Variants in PCDH15 observed in about 807,000 individuals in gnomAD.
The protein encoded by PCDH15 is protocadherin related 15, also known as protocadherin-15.
PCDH15 carries 129 observed loss-of-function variants against 178.5 expected under a neutral mutation model. The observed-to-expected ratio is 0.72, with a 90% CI of 0.63 to 0.84. PCDH15 has a LOEUF of 0.84. PCDH15 is among the 40% of genes least tolerant of loss of function. The pLI, the probability that PCDH15 is intolerant of heterozygous loss-of-function variation, is 0.00. For missense variants in PCDH15, 2,230 were observed against 2,099.9 expected, an observed-to-expected ratio of 1.06 and a Z score of -1.21; for synonymous variants, 800 against 732.0, an observed-to-expected ratio of 1.09 and a Z score of -1.50.
chr10:54,096,859 A>G (rs2094709315), intron 15 of PCDH15, among the ~76,000 whole-genome samples: 1 of 152,236 alleles, frequency 6.6e-6, no homozygotes, highest in Non-Finnish European at 1.5e-5. Flanking sequence ...TTTCAAATAC[A>G]GTATGGCCAA....
chr10:55,455,717 G>C (rs1322338896), intron 2 of PCDH15, among the ~76,000 whole-genome samples: 1 of 151,664 alleles, frequency 6.6e-6, no homozygotes, highest in Non-Finnish European at 1.5e-5. Flanking sequence ...AGGACAATTT[G>C]CCTGTATAAA....
At position 54,534,105 on chromosome 10, in the gene PCDH15, G is replaced by C. The variant is rs533537353; in HGVS notation, c.92-6228C>G. Among the ~76,000 whole-genome samples the C allele has an allele frequency of 1.3e-3, 201 of 152,088 alleles. 1 individual carries two copies. Among genetic ancestry groups the C allele is most frequent in the African/African-American group, 4.5e-3 (187 of 41,494 alleles). ...AGAAGAGTGTCTGGCAAAATGTATAGACAGACTAGGCCTACATTTGCTTTT... is the reference window on the plus strand; with the variant it reads ...AGAAGAGTGTCTGGCAAAATGTATACACAGACTAGGCCTACATTTGCTTTT... On this transcript the variant is annotated intron_variant, in intron 2 of 37. Coordinates refer to ENST00000644397, the MANE Select transcript of PCDH15 (RefSeq NM_001384140.1).
chr10:55,297,385 C>T (rs1457230462), intron 1 of PCDH15, among the ~76,000 whole-genome samples: 1 of 152,026 alleles, frequency 6.6e-6, no homozygotes, highest in Admixed American at 6.6e-5. Flanking sequence ...TTAAATCAGT[C>T]TTAATTGAAT....
At position 54,079,426 on chromosome 10, in the gene PCDH15, T is replaced by C. The variant is rs397517452; in HGVS notation, c.1998-2A>G. 6.2e-7 allele frequency: 1 copy of C among 1,613,282 alleles called. No homozygotes were observed. Among genetic ancestry groups the C allele is most frequent in the Non-Finnish European group, 8.5e-7 (1 of 1,179,222 alleles). On this transcript the variant is annotated splice_acceptor_variant, in intron 16 of 37. Transcript: ENST00000644397. LOFTEE classifies it high-confidence loss of function. ...TTCCCTAAGGTTAGAATCCCCGTGC[T>C]AGTGACAAAACAAACAAACAAATAA...
intron 3 of PCDH15, among the ~76,000 whole-genome samples, chr10:54,380,398 A>G (rs561867724): frequency 7.2e-5 from 11 of 151,730 alleles, no homozygotes; most frequent in African/African-American, 2.4e-4. Context: ...GCCTATAAAT[A>G]TGTTCAAGAA....
intron 28 of PCDH15, among the ~76,000 whole-genome samples, chr10:53,854,760 TC>T (rs2078613657): frequency 6.6e-6 from 1 of 152,108 alleles, no homozygotes; most frequent in Non-Finnish European, 1.5e-5. Context: ...CTTTCTATTG[TC>T]CTAGATACAT....
intron 2 of PCDH15, among the ~76,000 whole-genome samples, chr10:54,577,908 A>G (rs887939638): frequency 6.6e-5 from 10 of 151,956 alleles, no homozygotes; most frequent in Non-Finnish European, 1.2e-4. Flanking sequence ...TCCTCTTCCA[A>G]GAGGCATCTG....
rs1173470613 is a variant in PCDH15, at chr10:55,313,934, A to C, written c.-156+5665T>G. ...ATGAGGGAGGTAGACAGTGTAGGGG[A>C]TCAGGAAGAGAGAAAAGCAGAATAA... On this transcript the variant is annotated intron_variant, in intron 1 of 5. Coordinates refer to the PCDH15 transcript ENST00000458638. 4.6e-5 allele frequency among the ~76,000 whole-genome samples: 7 copies of C among 152,072 alleles called. No individual in the cohort carries two copies. In the East Asian group the frequency reaches 1.3e-3, roughly 29 times the overall value.
At chr10:54,784,341 A>T (rs942849964) in intron 1 of PCDH15, among the ~76,000 whole-genome samples, 41 of 151,750 alleles carry the variant, frequency 2.7e-4, no homozygotes, top group East Asian at 1.4e-3. Flanking sequence ...TAATAATAAA[A>T]AAAAAAAAGC....
chr10:55,283,244 G>A (rs573217755), intron 1 of PCDH15, among the ~76,000 whole-genome samples: 9 of 151,970 alleles, frequency 5.9e-5, no homozygotes, highest in South Asian at 2.1e-4. Flanking sequence ...ATCTGGTCTC[G>A]TGGCCCTTAC....
At chr10:54,892,041 T>G (rs913600788) in intron 3 of PCDH15, among the ~76,000 whole-genome samples, 1 of 152,112 alleles carries the variant, frequency 6.6e-6, no homozygotes, top group East Asian at 1.9e-4. Flanking sequence ...TTCTGAGTTA[T>G]ACAATACCTG....
At chr10:55,320,921 C>T (rs1843881566), upstream of PCDH15, among the ~76,000 whole-genome samples, 1 of 152,154 alleles carries the variant, frequency 6.6e-6, no homozygotes, top group South Asian at 2.1e-4. Context: ...CCAATGGTTC[C>T]TATCCAGGCT....
In PCDH15 at chr10:55,146,171, C is replaced by T. The variant is rs1838505412; in HGVS notation, c.-80+20405G>A. Among the ~76,000 whole-genome samples the T allele has an allele frequency of 2.0e-5, 3 of 151,976 alleles. No individual in the cohort carries two copies. In the South Asian group the frequency reaches 6.2e-4, roughly 31 times the overall value. The stretch of plus-strand genomic sequence containing the variant: ...ATAATCTTGGTTTTGTTCACGGCAG[C>T]AATCCTCGTGGTTAACAGCCCTATA... On this transcript the variant is annotated intron_variant, in intron 2 of 5. Coordinates refer to the PCDH15 transcript ENST00000458638.
chr10:54,756,667 T>C (rs74136265), intron 1 of PCDH15, among the ~76,000 whole-genome samples: 7,426 of 152,122 alleles, frequency 0.049, 610 homozygotes, highest in African/African-American at 0.17. Flanking sequence ...GTCATTTATG[T>C]GAGCGTGTGT....
intron 2 of PCDH15, among the ~76,000 whole-genome samples, chr10:55,602,345 A>G (rs1170721115): frequency 7.5e-6 from 1 of 133,536 alleles, no homozygotes; most frequent in African/African-American, 2.6e-5. Flanking sequence ...TTGCTTAGGT[A>G]AAAAAAGCGG....
intron 8 of PCDH15, among the ~76,000 whole-genome samples, chr10:54,281,896 T>C (rs1322692929): frequency 6.6e-6 from 1 of 152,002 alleles, no homozygotes; most frequent in African/African-American, 2.4e-5. Context: ...ACAAAAAAAA[T>C]TCAGTAACTC....
At chr10:54,968,166 C>G (rs542265944) in intron 2 of PCDH15, among the ~76,000 whole-genome samples, 1 of 152,100 alleles carries the variant, frequency 6.6e-6, no homozygotes, top group Non-Finnish European at 1.5e-5. Flanking sequence ...ATGTACATAA[C>G]TGTTCATTAA....
chr10:55,186,237 G>A (rs1164230869), intron 1 of PCDH15, among the ~76,000 whole-genome samples: 2 of 151,286 alleles, frequency 1.3e-5, no homozygotes, highest in South Asian at 2.1e-4. Context: ...ACATAAAAAT[G>A]TACTGGCTAA....
At chr10:54,149,568 A>AT (rs2044310576) in intron 14 of PCDH15, among the ~76,000 whole-genome samples, 2 of 152,278 alleles carry the variant, frequency 1.3e-5, no homozygotes, top group South Asian at 4.1e-4. Flanking sequence ...AGGAGATGAA[A>AT]TGTATAAACT....
Sources: gnomAD v4.1 joint callset for allele counts (sites outside exome capture counted in the v4.1 genomes callset) on GRCh38, gnomAD v4.1.1 for gene constraint, MANE v1.5 for transcripts, NCBI Gene and HGNC (gene_info 2026-07-23, HGNC 2026-07-21) for gene names.